Variants in SHC3 observed in about 807,000 individuals in gnomAD.
SHC3 encodes the protein SHC-transforming protein 3.
In SHC3, 15 loss-of-function variants were observed where a neutral mutation model predicts 60.4. The ratio of observed to expected loss-of-function variants is 0.25; its 90% CI spans 0.17 to 0.38. The LOEUF (loss-of-function observed/expected upper bound fraction) is 0.38. Ranked by LOEUF, SHC3 falls within the 10% of genes least tolerant of loss-of-function variation. The pLI is 1.00. For synonymous variants in SHC3, 294 were observed against 325.9 expected (o/e 0.90, Z 1.05); for missense variants, 677 against 786.1 (o/e 0.86, Z 1.66).
chr9:89,066,633 C>T (rs7032982), intron 5 of SHC3, among the ~76,000 whole-genome samples: 2 of 151,932 alleles, frequency 1.3e-5, no homozygotes, highest in South Asian at 4.2e-4. Flanking sequence ...ATTCAAGACT[C>T]TGTGGGGCAA....
chr9:89,140,200 G>T (rs1447648843), intron 1 of SHC3, among the ~76,000 whole-genome samples: 1 of 152,132 alleles, frequency 6.6e-6, no homozygotes, highest in Non-Finnish European at 1.5e-5. Flanking sequence ...CATGACAGAA[G>T]AAGACCCAGT....
intron 1 of SHC3, among the ~76,000 whole-genome samples, chr9:89,158,387 TATGAC>T (rs1273002671): frequency 6.6e-6 from 1 of 152,196 alleles, no homozygotes; most frequent in Non-Finnish European, 1.5e-5. Context: ...CCATGCTCTG[TATGAC>T]TTTAATTCTT....
At chr9:89,107,177 C>T (rs1466472689) in intron 2 of SHC3, among the ~76,000 whole-genome samples, 2 of 152,162 alleles carry the variant, frequency 1.3e-5, no homozygotes, top group Non-Finnish European at 2.9e-5. Context: ...GTACACCTGC[C>T]ATATTGTTGA....
At position 89,107,508 on chromosome 9, in the gene SHC3, C is replaced by T. The variant is rs79852147; in HGVS notation, c.545+5048G>A. On this transcript the variant is annotated intron_variant, in intron 2 of 11. Coordinates refer to ENST00000375835, the MANE Select transcript of SHC3 (RefSeq NM_016848.6). ...CATCCAGCCTACTTTATTCCAAAGG[C>T]GGGATGCACATGCACACAGGCAAGC... Among the ~76,000 whole-genome samples the T allele has an allele frequency of 3.5e-3, 536 of 152,324 alleles. 1 individual carries two copies. Among genetic ancestry groups the T allele is most frequent in the African/African-American group, 0.012 (506 of 41,568 alleles).
rs1826984656 is a variant in SHC3 at position 89,178,597 on chromosome 9, C to A, written c.-137G>T. On this transcript the variant is annotated 5_prime_UTR_variant, in exon 1 of 12. Transcript: ENST00000375835. The surrounding 1 kb of genome is among the most constrained non-coding windows in gnomAD (Gnocchi z 6.9). ...GGCCCCGGGACAGCCTTCTGGAGAA[C>A]GAGAGCAGAGCAAGAGGATGGTGCC... The A allele has an allele frequency of 4.2e-6, 3 of 710,156 alleles. No homozygotes were observed. The highest frequency in any genetic ancestry group is 6.3e-6 in the Non-Finnish European group (3 of 475,148). The allele number at this position is 710,156 out of a possible 1,614,324, so 44.0% of individuals were successfully genotyped here. A position where few individuals can be genotyped will look rare whatever the true frequency, so the allele number is the denominator to read the frequency against.
At chr9:89,149,805 A>T (rs927086457) in intron 1 of SHC3, among the ~76,000 whole-genome samples, 12 of 152,196 alleles carry the variant, frequency 7.9e-5, no homozygotes, top group Non-Finnish European at 1.3e-4. Flanking sequence ...GTCCAAAAAT[A>T]TTAATGGAAA....
intron 2 of SHC3, among the ~76,000 whole-genome samples, chr9:89,089,956 A>G (rs987578522): frequency 6.6e-5 from 10 of 152,204 alleles, no homozygotes; most frequent in African/African-American, 2.2e-4. Flanking sequence ...GAGGAAAAAC[A>G]CTAAACTAAA....
chr9:89,168,508 T>C (rs1826823276), intron 1 of SHC3, among the ~76,000 whole-genome samples: 1 of 152,138 alleles, frequency 6.6e-6, no homozygotes. Context: ...GGAATAATAA[T>C]AACATCTGAG....
intron 11 of SHC3, among the ~76,000 whole-genome samples, chr9:89,035,846 T>G (rs1293355120): frequency 1.6e-4 from 15 of 91,652 alleles, no homozygotes; most frequent in Non-Finnish European, 2.2e-4. Context: ...TATATATATA[T>G]ATAGATGTGT....
intron 2 of SHC3, among the ~76,000 whole-genome samples, chr9:89,110,914 A>G (rs2118108733): frequency 6.6e-6 from 1 of 152,278 alleles, no homozygotes; most frequent in African/African-American, 2.4e-5. Flanking sequence ...ACTTCTGTCC[A>G]TTTGGGTTCT....
chr9:89,041,810 A>G (rs1390126339), intron 10 of SHC3, among the ~76,000 whole-genome samples: 1 of 152,232 alleles, frequency 6.6e-6, no homozygotes, highest in Admixed American at 6.5e-5. Flanking sequence ...CAATTCCAAA[A>G]AGAGGGGGAA....
intron 3 of SHC3, 135 bp downstream of exon 3, chr9:89,077,705 T>C: frequency 1.9e-6 from 2 of 1,034,586 alleles, no homozygotes; most frequent in Non-Finnish European, 2.9e-6. Context: ...TCTAAGCCCT[T>C]TCTGCTTTTA....
intron 11 of SHC3, among the ~76,000 whole-genome samples, chr9:89,023,623 T>G (rs944804488): frequency 6.6e-6 from 1 of 152,180 alleles, no homozygotes; most frequent in Non-Finnish European, 1.5e-5. Context: ...TTCCAGAAAT[T>G]CAGTAGAAAT....
At chr9:89,042,446 CA>C (rs1824703375) in intron 9 of SHC3, among the ~76,000 whole-genome samples, 1 of 152,174 alleles carries the variant, frequency 6.6e-6, no homozygotes, top group Admixed American at 6.5e-5. Flanking sequence ...ATGGCCTTAG[CA>C]AAAATTTTGG....
chr9:89,104,978 T>C (rs1825836978), intron 2 of SHC3, among the ~76,000 whole-genome samples: 2 of 152,228 alleles, frequency 1.3e-5, no homozygotes, highest in Admixed American at 6.5e-5. Flanking sequence ...GTCAGGTGAA[T>C]GCAGGCAGTG....
chr9:89,092,615 C>CAA (rs59133401), intron 2 of SHC3, among the ~76,000 whole-genome samples: 2,869 of 67,402 alleles, frequency 0.043, 64 homozygotes, highest in Middle Eastern at 0.071. Flanking sequence ...GACTCTGTCT[C>CAA]AAAAAAAAAA....
intron 2 of SHC3, chr9:89,110,337 T>G: frequency 1.0e-6 from 1 of 984,866 alleles, no homozygotes; most frequent in Non-Finnish European, 1.2e-6. Context: ...GTGACTGGAG[T>G]GCCTTTGGAA....
In SHC3 at chr9:89,018,257, A is replaced by T. The variant is rs559480197; in HGVS notation, c.1657-4682T>A. ...GAACCAACCCAAATGCTCATCAATG[A>T]TAGACTGGGTAAAGAAAATGTGGCA... On this transcript the variant is annotated intron_variant, in intron 11 of 11. Transcript: ENST00000375835. Among the ~76,000 whole-genome samples, 444 of 152,334 alleles carry T rather than the reference A, an allele frequency of 2.9e-3. 6 individuals are homozygous for T. The highest frequency in any genetic ancestry group is 0.01 in the African/African-American group (433 of 41,576).
chr9:89,142,251 T>C (rs1826403817), intron 1 of SHC3, among the ~76,000 whole-genome samples: 1 of 152,170 alleles, frequency 6.6e-6, no homozygotes, highest in Non-Finnish European at 1.5e-5. Flanking sequence ...TCGAGTTTCC[T>C]TGCCTTTTAT....
Sources: gnomAD v4.1 joint callset for allele counts (sites outside exome capture counted in the v4.1 genomes callset) on GRCh38, gnomAD v4.1.1 for gene constraint, Gnocchi (gnomAD v3.1) non-coding constraint, MANE v1.5 for transcripts, NCBI Gene and HGNC (gene_info 2026-07-23, HGNC 2026-07-21) for gene names.